MARK1: variants seen among roughly 807,000 people sequenced by gnomAD.
MARK1 encodes microtubule affinity regulating kinase 1.
MARK1 carries 40 observed loss-of-function variants against 96.3 expected under a neutral mutation model. That is an observed-to-expected ratio of 0.42 (90% CI 0.32 to 0.54). MARK1 has a LOEUF of 0.54. Ranked by LOEUF, MARK1 falls within the 20% of genes least tolerant of loss-of-function variation. The pLI, the probability that MARK1 is intolerant of heterozygous loss-of-function variation, is 0.16. For missense variants in MARK1, 719 were observed against 984.6 expected (o/e 0.73, Z 3.61); for synonymous variants, 317 against 341.2 (o/e 0.93, Z 0.78).
chr1:220,555,878 G>A (rs1662209580), intron 1 of MARK1, among the ~76,000 whole-genome samples: 1 of 152,110 alleles, frequency 6.6e-6, no homozygotes, highest in Non-Finnish European at 1.5e-5. Context: ...AAAGGGGAGA[G>A]TACCAAAAAC....
At chr1:220,556,985 G>A (rs536282646) in intron 1 of MARK1, among the ~76,000 whole-genome samples, 2 of 152,138 alleles carry the variant, frequency 1.3e-5, no homozygotes, top group African/African-American at 4.8e-5. Context: ...TTGAGAGGCA[G>A]TATTTGAAAG....
At chr1:220,564,857 G>C (rs952811459) in intron 1 of MARK1, among the ~76,000 whole-genome samples, 5 of 151,632 alleles carry the variant, frequency 3.3e-5, no homozygotes, top group African/African-American at 1.2e-4. Flanking sequence ...AAGTAATACT[G>C]TCTTTTTTCT....
Position 220,566,880 on chromosome 1 carries a change from A to G in MARK1, c.52-12474A>G, listed in dbSNP as rs566900879. Reference sequence around the variant, plus strand: ...TTAATCCTCATTGTAAGCTTGAGAAACTGGTAACATCTGCTAAGTAACTAC... The same window carrying G: ...TTAATCCTCATTGTAAGCTTGAGAAGCTGGTAACATCTGCTAAGTAACTAC... On this transcript the variant is annotated intron_variant, in intron 1 of 17. Coordinates refer to ENST00000366917, the MANE Select transcript of MARK1 (RefSeq NM_018650.5). Among the ~76,000 whole-genome samples, 15 of 152,226 alleles carry G rather than the reference A, an allele frequency of 9.9e-5. No homozygotes were observed. The South Asian group carries it at 2.7e-3, about 27-fold the overall frequency.
chr1:220,552,659 A>G (rs981446910), intron 1 of MARK1, among the ~76,000 whole-genome samples: 4 of 152,210 alleles, frequency 2.6e-5, no homozygotes, highest in African/African-American at 9.7e-5. Flanking sequence ...TAATGGTGAA[A>G]ATGTATTCTG....
At chr1:220,553,636 C>T (rs1174344628) in intron 1 of MARK1, among the ~76,000 whole-genome samples, 1 of 152,156 alleles carries the variant, frequency 6.6e-6, no homozygotes, top group Non-Finnish European at 1.5e-5. Context: ...CGGACAACAC[C>T]CAGCTCATAA....
chr1:220,634,297 A>C (rs1352532685), intron 11 of MARK1, among the ~76,000 whole-genome samples: 1 of 152,234 alleles, frequency 6.6e-6, no homozygotes, highest in Non-Finnish European at 1.5e-5. Flanking sequence ...AATTTAAATG[A>C]AGTATGAATT....
chr1:220,557,550 C>G (rs1662359024), intron 1 of MARK1, among the ~76,000 whole-genome samples: 1 of 151,586 alleles, frequency 6.6e-6, no homozygotes, highest in Admixed American at 6.6e-5. Flanking sequence ...CAGAGAGAGA[C>G]TCTGTCTCAA....
At chr1:220,528,927 C>A in intron 1 of MARK1, 54 bp downstream of exon 1, 1 of 1,486,766 alleles carries the variant, frequency 6.7e-7, no homozygotes, top group Admixed American at 2.1e-5. Flanking sequence ...CTCCTCTGAT[C>A]CCCACTTCAC....
intron 3 of MARK1, among the ~76,000 whole-genome samples, chr1:220,582,498 G>T (rs1306213105): frequency 2.0e-5 from 3 of 152,188 alleles, no homozygotes; most frequent in African/African-American, 4.8e-5. Context: ...CACAAACTGG[G>T]TAATTGTACA....
chr1:220,632,788 A>G (rs1667742006), intron 11 of MARK1, among the ~76,000 whole-genome samples: 2 of 152,248 alleles, frequency 1.3e-5, no homozygotes, highest in Admixed American at 1.3e-4. Context: ...TCAATTGGGA[A>G]TTCTCAAGGC....
intron 1 of MARK1, among the ~76,000 whole-genome samples, chr1:220,561,121 A>C (rs967507637): frequency 1.3e-5 from 2 of 151,924 alleles, no homozygotes; most frequent in African/African-American, 4.8e-5. Flanking sequence ...AAGGAGGTGT[A>C]GGTAGGACAT....
At chr1:220,602,661 T>C (rs1665824228) in intron 5 of MARK1, among the ~76,000 whole-genome samples, 1 of 152,168 alleles carries the variant, frequency 6.6e-6, no homozygotes, top group Non-Finnish European at 1.5e-5. Context: ...AATTAACTAC[T>C]ATGATGAGTC....
chr1:220,528,725 C>T lies in MARK1; in HGVS notation c.-98C>T, dbSNP rs1660089731. 8.7e-7 allele frequency: 1 copy of T among 1,152,722 alleles called. No homozygotes were observed. Among genetic ancestry groups the T allele is most frequent in the Non-Finnish European group, 1.2e-6 (1 of 828,958 alleles). 71.4% of individuals were successfully genotyped at this position (1,152,722 alleles called of 1,614,324 possible). A position where few individuals can be genotyped will look rare whatever the true frequency, so the allele number is the denominator to read the frequency against. On this transcript the variant is annotated 5_prime_UTR_variant, in exon 1 of 18. Coordinates refer to ENST00000366917, the MANE Select transcript of MARK1 (RefSeq NM_018650.5). ...GGCCTGCGGGAGCCGCTCGCCCCGG[C>T]CTTGTGCTCGCGTCCGCACCCCTTT...
rs112968910 is a variant in MARK1 at position 220,586,011 on chromosome 1, A to ACACACACACACACGCACGCG, written c.309+4894_309+4895insACACACACACACGCACGCGC. On this transcript the variant is annotated intron_variant, in intron 3 of 17. Transcript: ENST00000366917. The stretch of plus-strand genomic sequence containing the variant: ...CACACACACACACACACACACACAC[A>ACACACACACACACGCACGCG]CGCGCGCGTGCGCAGAGAGAGAGAG... 1.6e-3 allele frequency among the ~76,000 whole-genome samples: 244 copies of ACACACACACACACGCACGCG among 148,626 alleles called. 3 individuals are homozygous for ACACACACACACACGCACGCG. The highest frequency in any genetic ancestry group is 0.01 in the East Asian group (52 of 5,066).
intron 1 of MARK1, among the ~76,000 whole-genome samples, chr1:220,577,987 T>G (rs1195159680): frequency 6.6e-6 from 1 of 152,158 alleles, no homozygotes; most frequent in Non-Finnish European, 1.5e-5. Context: ...CAAAAAGTAG[T>G]AACAAATAGA....
intron 1 of MARK1, among the ~76,000 whole-genome samples, chr1:220,539,434 G>A (rs542070854): frequency 6.6e-6 from 1 of 152,200 alleles, no homozygotes; most frequent in South Asian, 2.1e-4. Context: ...TGATCATGGT[G>A]GATAAGCTTT....
chr1:220,541,915 C>T (rs183339863), intron 1 of MARK1, among the ~76,000 whole-genome samples: 1 of 152,296 alleles, frequency 6.6e-6, no homozygotes, highest in South Asian at 2.1e-4. Context: ...CTTACTATTG[C>T]CATTTTGTTA....
chr1:220,619,245 C>T (rs949398914), intron 9 of MARK1, among the ~76,000 whole-genome samples: 11 of 152,206 alleles, frequency 7.2e-5, no homozygotes, highest in African/African-American at 1.2e-4. Flanking sequence ...GAGGCCGAGG[C>T]GGGCAGATCA....
rs5781182 is a variant in MARK1, at chr1:220,601,298, C to CTT, written c.424+1448_424+1449dup. On this transcript the variant is annotated intron_variant, in intron 5 of 17. Transcript: ENST00000366917. ...GTTTATACAGATTGAATATTTTAGTCTTTTTTTTTTTTTTGCAAAACTTTT... is the reference window on the plus strand; with the variant it reads ...GTTTATACAGATTGAATATTTTAGTCTTTTTTTTTTTTTTTTGCAAAACTTTT... Among the ~76,000 whole-genome samples the CTT allele has an allele frequency of 6.9e-3, 927 of 134,704 alleles. 32 individuals are homozygous for CTT. The highest frequency in any genetic ancestry group is 0.043 in the Admixed American group (590 of 13,586). The allele number at this position is 134,704 out of a possible 152,430, so 88.4% of individuals were successfully genotyped here.
Sources: gnomAD v4.1 joint callset for allele counts (sites outside exome capture counted in the v4.1 genomes callset) on GRCh38, gnomAD v4.1.1 for gene constraint, MANE v1.5 for transcripts, NCBI Gene and HGNC (gene_info 2026-07-23, HGNC 2026-07-21) for gene names.